Variants in CCBE1 observed in about 807,000 individuals in gnomAD.
CCBE1 encodes the protein collagen and calcium-binding EGF domain-containing protein 1.
CCBE1 carries 37 observed loss-of-function variants against 50.0 expected under a neutral mutation model. The ratio of observed to expected loss-of-function variants is 0.74; its 90% confidence interval spans 0.57 to 0.97. CCBE1 has a LOEUF of 0.97. Ranked by LOEUF, CCBE1 falls within the 50% of genes least tolerant of loss-of-function variation. The pLI is 0.00. For synonymous variants in CCBE1, 234 were observed against 203.7 expected, an observed-to-expected ratio of 1.15 and a Z score of -1.27; for missense variants, 538 against 523.8, an observed-to-expected ratio of 1.03 and a Z score of -0.26.
chr18:59,453,058 C>T (rs1375597729), intron 6 of CCBE1, among the ~76,000 whole-genome samples: 1 of 152,172 alleles, frequency 6.6e-6, no homozygotes, highest in African/African-American at 2.4e-5. Context: ...CACAAAAAAA[C>T]ATGGCAAGGA....
At chr18:59,577,623 A>G (rs2053018277) in intron 2 of CCBE1, among the ~76,000 whole-genome samples, 2 of 152,210 alleles carry the variant, frequency 1.3e-5, no homozygotes, top group Admixed American at 1.3e-4. Flanking sequence ...CAGAGGTATA[A>G]AAGACAAACC....
chr18:59,569,067 G>A (rs1183392356), intron 2 of CCBE1, among the ~76,000 whole-genome samples: 2 of 152,100 alleles, frequency 1.3e-5, no homozygotes, highest in South Asian at 2.1e-4. Flanking sequence ...GGTGCATCTC[G>A]GGTTATCTCC....
chr18:59,460,868 G>A (rs1911429619), intron 5 of CCBE1, among the ~76,000 whole-genome samples: 1 of 152,010 alleles, frequency 6.6e-6, no homozygotes, highest in African/African-American at 2.4e-5. Flanking sequence ...CTGGGAGGCA[G>A]AGGTTGCAGT....
Position 59,561,436 on chromosome 18 carries a change from G to C in CCBE1, c.213-81198C>G, listed in dbSNP as rs2052736997. 3.3e-5 allele frequency among the ~76,000 whole-genome samples: 5 copies of C among 152,328 alleles called. No homozygotes were observed. In the South Asian group the frequency reaches 1.0e-3, roughly 32 times the overall value. ...AGTTACATGGACGTGCTTTGGTCAA[G>C]GAATAGACCGAGGCAGACATCCGGC... On this transcript the variant is annotated intron_variant, in intron 2 of 10. Transcript: ENST00000439986.
chr18:59,598,004 A>G (rs1284960111), intron 2 of CCBE1, among the ~76,000 whole-genome samples: 3 of 151,582 alleles, frequency 2.0e-5, no homozygotes, highest in Non-Finnish European at 4.4e-5. Context: ...GAGAAGAAAG[A>G]AAGGAAACTA....
At chr18:59,695,551 A>T (rs2054794243) in intron 2 of CCBE1, among the ~76,000 whole-genome samples, 1 of 152,218 alleles carries the variant, frequency 6.6e-6, no homozygotes, top group African/African-American at 2.4e-5. Flanking sequence ...GATGTAACTG[A>T]TGGTGCTTTT....
At chr18:59,664,955 C>A (rs1348409074) in intron 2 of CCBE1, among the ~76,000 whole-genome samples, 3 of 152,136 alleles carry the variant, frequency 2.0e-5, no homozygotes, top group Non-Finnish European at 4.4e-5. Flanking sequence ...AGAGGAGGAT[C>A]CATTCTTCAC....
chr18:59,517,357 G>A (rs1423753051), intron 2 of CCBE1, among the ~76,000 whole-genome samples: 1 of 152,176 alleles, frequency 6.6e-6, no homozygotes, highest in African/African-American at 2.4e-5. Flanking sequence ...CTACCTTGGG[G>A]TCCAAGTTCC....
chr18:59,540,236 A>T (rs1915416581), intron 2 of CCBE1, among the ~76,000 whole-genome samples: 1 of 152,224 alleles, frequency 6.6e-6, no homozygotes, highest in Non-Finnish European at 1.5e-5. Context: ...ATTAAACATT[A>T]GACTTTTTTT....
rs1189604207 is a variant in CCBE1 at position 59,697,374 on chromosome 18, A to C, written c.-32T>G. Reference sequence around the variant, plus strand: ...AGCTCCCGGCTTCTTCCCAGCGCCGAGCTCCGTCCGGACCAAGCGTCCTGC... The same window carrying C: ...AGCTCCCGGCTTCTTCCCAGCGCCGCGCTCCGTCCGGACCAAGCGTCCTGC... On this transcript the variant is annotated 5_prime_UTR_variant, in exon 1 of 11. Transcript: ENST00000439986. The C allele has an allele frequency of 6.5e-7, 1 of 1,540,458 alleles. No individual in the cohort carries two copies. Among genetic ancestry groups the C allele is most frequent in the East Asian group, 2.4e-5 (1 of 40,834 alleles).
chr18:59,458,566 A>T (rs1412991123), intron 5 of CCBE1, among the ~76,000 whole-genome samples: 1 of 152,252 alleles, frequency 6.6e-6, no homozygotes, highest in Non-Finnish European at 1.5e-5. Flanking sequence ...ACGTATCTTT[A>T]GTTCAATCTC....
At chr18:59,522,545 A>G (rs1473371693) in intron 2 of CCBE1, among the ~76,000 whole-genome samples, 1 of 152,234 alleles carries the variant, frequency 6.6e-6, no homozygotes, top group Non-Finnish European at 1.5e-5. Context: ...GGGTTAAATC[A>G]AGGAATAAAT....
chr18:59,447,998 C>T lies in CCBE1; in HGVS notation c.760G>A (p.Gly254Ser). 1 of 1,614,168 alleles carries T rather than the reference C, an allele frequency of 6.2e-7. No homozygotes were observed. The change falls in exon 7 of 11, where the codon GGC becomes AGC. Residue 254 changes from glycine (G) to serine (S), a missense_variant. Gly to Ser is a moderately conservative substitution (Grantham distance 56). Coordinates refer to ENST00000439986, the MANE Select transcript of CCBE1 (RefSeq NM_133459.4). ...YLPGPPGLPG[G>S]QGPPGSPGPK... is the part of the protein sequence containing the mutation. The stretch of plus-strand genomic sequence containing the variant: ...CCACACTCACCGGGAGGGCCCTGGC[C>T]CCCAGGCAGGCCAGGAGGTCCTGGA...
chr18:59,692,414 G>C (rs1298323842), intron 2 of CCBE1, among the ~76,000 whole-genome samples: 1 of 152,180 alleles, frequency 6.6e-6, no homozygotes, highest in Non-Finnish European at 1.5e-5. Flanking sequence ...CCACCAAGTA[G>C]TAGAGCTGGG....
At chr18:59,614,860 A>C (rs1368469430) in intron 2 of CCBE1, among the ~76,000 whole-genome samples, 2 of 152,226 alleles carry the variant, frequency 1.3e-5, no homozygotes, top group Admixed American at 1.3e-4. Context: ...AACAAATGTT[A>C]ATATATGAGA....
At chr18:59,594,061 T>C (rs1251569216) in intron 2 of CCBE1, among the ~76,000 whole-genome samples, 4 of 152,244 alleles carry the variant, frequency 2.6e-5, no homozygotes, top group Non-Finnish European at 5.9e-5. Context: ...AAGTGTTTGC[T>C]TCACCAGCAA....
chr18:59,514,213 C>T (rs545661908), intron 2 of CCBE1, among the ~76,000 whole-genome samples: 58 of 152,198 alleles, frequency 3.8e-4, no homozygotes, highest in Middle Eastern at 6.8e-3. Context: ...CCCATATTAC[C>T]GATACGAAAA....
intron 2 of CCBE1, among the ~76,000 whole-genome samples, chr18:59,687,210 G>A (rs2054666848): frequency 1.3e-5 from 2 of 152,224 alleles, no homozygotes; most frequent in African/African-American, 2.4e-5. Context: ...CTGGCTTACA[G>A]ATGCCCTCCA....
chr18:59,480,304 G>T, intron 2 of CCBE1, 66 bp from the exon 3 acceptor site: 1 of 1,241,442 alleles, frequency 8.1e-7, no homozygotes, highest in Non-Finnish European at 1.2e-6. Flanking sequence ...TCCAGTTATT[G>T]TTGTTTGAAT....
Sources: allele counts gnomAD v4.1 joint callset (sites outside exome capture counted in the v4.1 genomes callset), GRCh38; gene constraint gnomAD v4.1.1; transcripts MANE v1.5; gene names NCBI Gene and HGNC (gene_info 2026-07-23, HGNC 2026-07-21).